Variants in ENPP3 observed in about 807,000 individuals in gnomAD.
The protein encoded by ENPP3 is ectonucleotide pyrophosphatase/phosphodiesterase family member 3.
Under a neutral mutation model 117.8 loss-of-function variants are expected in ENPP3, and 104 were observed. The ratio of observed to expected loss-of-function variants is 0.88; its 90% CI spans 0.75 to 1.04. The LOEUF (loss-of-function observed/expected upper bound fraction) is 1.04, where lower values mean the gene tolerates loss of function less well. Ranked by LOEUF, ENPP3 falls within the 50% of genes least tolerant of loss-of-function variation. The pLI is 0.00. For missense variants in ENPP3, 1,026 were observed against 1,051.9 expected, an observed-to-expected ratio of 0.98 and a Z score of 0.34; for synonymous variants, 380 against 349.9, an observed-to-expected ratio of 1.09 and a Z score of -0.96.
chr6:131,720,792 C>T (rs1780000569), intron 17 of ENPP3, among the ~76,000 whole-genome samples: 3 of 152,090 alleles, frequency 2.0e-5, no homozygotes, highest in East Asian at 3.9e-4. Context: ...ACCATGTTGG[C>T]CAGGCTGGTC....
At chr6:131,656,673 A>G (rs1006862507) in intron 5 of ENPP3, among the ~76,000 whole-genome samples, 3 of 151,842 alleles carry the variant, frequency 2.0e-5, no homozygotes, top group African/African-American at 4.8e-5. Context: ...AGGTTGACGC[A>G]GGAGAATGGT....
intron 22 of ENPP3, 29 bp downstream of exon 22, chr6:131,737,461 A>T (rs761464375): frequency 7.8e-7 from 1 of 1,284,140 alleles, no homozygotes; most frequent in South Asian, 1.3e-5. Context: ...TATTAATTTT[A>T]AAATAGTTAA....
At chr6:131,666,245 T>C (rs2114359570) in intron 6 of ENPP3, among the ~76,000 whole-genome samples, 1 of 152,282 alleles carries the variant, frequency 6.6e-6, no homozygotes, top group African/African-American at 2.4e-5. Flanking sequence ...AGGGCTTCTC[T>C]TGTATATTGT....
chr6:131,652,967 A>G, intron 5 of ENPP3, 76 bp downstream of exon 5: 1 of 974,150 alleles, frequency 1.0e-6, no homozygotes, highest in Non-Finnish European at 1.6e-6. Context: ...GTTGAGACGC[A>G]GAGAGGAATT....
chr6:131,650,680 C>G (rs1393344468), intron 3 of ENPP3, among the ~76,000 whole-genome samples: 2 of 152,174 alleles, frequency 1.3e-5, no homozygotes, highest in East Asian at 3.9e-4. Flanking sequence ...GTTGGGTCCT[C>G]CTGAAGACTC....
chr6:131,735,535 G>A (rs764631485), intron 21 of ENPP3, among the ~76,000 whole-genome samples: 8 of 152,182 alleles, frequency 5.3e-5, no homozygotes, highest in South Asian at 2.1e-4. Context: ...CAGGAGGATC[G>A]CTTGAGTCCA....
chr6:131,682,106 T>A (rs1779034632), intron 11 of ENPP3, among the ~76,000 whole-genome samples: 1 of 152,156 alleles, frequency 6.6e-6, no homozygotes, highest in African/African-American at 2.4e-5. Context: ...GTGTTAGGAT[T>A]ACAGGCATGA....
Position 131,655,003 on chromosome 6 carries a change from A to T in ENPP3, c.464+2112A>T, listed in dbSNP as rs1778355732. ...AACAATGCCAGGGTCAGACGATTTCATGTGAGAATTAAATGACCTAAAGCG... is the reference window on the plus strand; with the variant it reads ...AACAATGCCAGGGTCAGACGATTTCTTGTGAGAATTAAATGACCTAAAGCG... On this transcript the variant is annotated intron_variant, in intron 5 of 24. Coordinates refer to ENST00000357639, the MANE Select transcript of ENPP3 (RefSeq NM_005021.5). Among the ~76,000 whole-genome samples, 3 of 152,334 alleles carry T rather than the reference A, an allele frequency of 2.0e-5. No homozygotes were observed. In the South Asian group the frequency reaches 6.2e-4, roughly 32 times the overall value.
intron 7 of ENPP3, 77 bp from the exon 8 acceptor site, chr6:131,674,085 G>T (rs2114383516): frequency 1.1e-6 from 1 of 870,844 alleles, no homozygotes; most frequent in South Asian, 1.7e-5. Flanking sequence ...ATGAGTAATA[G>T]ATCGTGTGCT....
At chr6:131,687,886 G>A (rs560017784) in intron 14 of ENPP3, among the ~76,000 whole-genome samples, 25 of 152,104 alleles carry the variant, frequency 1.6e-4, no homozygotes, top group African/African-American at 4.3e-4. Context: ...TTTGCAATGC[G>A]ACTGTAACTA....
Position 131,685,349 on chromosome 6 carries a change from T to C in ENPP3, c.1121-15T>C. 6.3e-7 allele frequency: 1 copy of C among 1,599,428 alleles called. No individual in the cohort carries two copies. The highest frequency in any genetic ancestry group is 8.5e-7 in the Non-Finnish European group (1 of 1,170,082). On this transcript the variant is annotated splice_polypyrimidine_tract_variant and intron_variant, in intron 12 of 24. Transcript: ENST00000357639. The stretch of plus-strand genomic sequence containing the variant: ...TATACATTCAGTGGGTTATTATGAT[T>C]ATTTTTTTATTCAGGAATGGACCAG...
chr6:131,716,065 A>C (rs192204745), intron 15 of ENPP3, among the ~76,000 whole-genome samples: 2 of 152,340 alleles, frequency 1.3e-5, no homozygotes, highest in South Asian at 4.1e-4. Context: ...GAGAAGTCTT[A>C]TTCATCTCCC....
At chr6:131,668,401 G>A (rs980174222) in intron 6 of ENPP3, among the ~76,000 whole-genome samples, 7 of 151,868 alleles carry the variant, frequency 4.6e-5, no homozygotes, top group Middle Eastern at 6.8e-3. Flanking sequence ...TTTTATTAGA[G>A]CCAGGGTTTC....
intron 6 of ENPP3, among the ~76,000 whole-genome samples, chr6:131,662,336 C>A (rs1778520539): frequency 6.6e-6 from 1 of 152,096 alleles, no homozygotes; most frequent in Non-Finnish European, 1.5e-5. Context: ...CCTCTGCCTC[C>A]CAGGCTTAAG....
intron 16 of ENPP3, among the ~76,000 whole-genome samples, chr6:131,719,056 A>G (rs1038710559): frequency 6.6e-5 from 10 of 152,176 alleles, no homozygotes; most frequent in African/African-American, 2.4e-4. Context: ...TTGTTATGTC[A>G]GAAGGTAAAT....
At position 131,669,675 on chromosome 6, in the gene ENPP3, A is replaced by AAAAAG. The variant is rs1562440254; in HGVS notation, c.563-1569_563-1565dup. 1.3e-4 allele frequency among the ~76,000 whole-genome samples: 19 copies of AAAAAG among 146,974 alleles called. No homozygotes were observed. In the South Asian group the frequency reaches 2.8e-3, roughly 22 times the overall value. On this transcript the variant is annotated intron_variant, in intron 6 of 24. Coordinates refer to ENST00000357639, the MANE Select transcript of ENPP3 (RefSeq NM_005021.5). The stretch of plus-strand genomic sequence containing the variant: ...CATCTCAAAAAAAAAAAAAAAAAAA[A>AAAAAG]AAAAGAAAGAAAGAAGGAAAAGTAG...
intron 24 of ENPP3, among the ~76,000 whole-genome samples, chr6:131,742,111 C>A (rs1283911735): frequency 1.6e-5 from 2 of 126,604 alleles, no homozygotes; most frequent in East Asian, 6.3e-4. Flanking sequence ...AGAAGGTGGC[C>A]AAGTTTAGAG....
intron 17 of ENPP3, among the ~76,000 whole-genome samples, chr6:131,721,090 A>T (rs1780009794): frequency 2.6e-5 from 4 of 152,226 alleles, no homozygotes; most frequent in Non-Finnish European, 5.9e-5. Flanking sequence ...CTAGCTGGAT[A>T]GACACTTGTT....
intron 6 of ENPP3, among the ~76,000 whole-genome samples, chr6:131,668,298 C>T (rs1180356797): frequency 3.4e-5 from 5 of 147,962 alleles, no homozygotes; most frequent in African/African-American, 1.0e-4. Flanking sequence ...CTGTAACCTC[C>T]GCTTCTCGGG....
Sources: gnomAD v4.1 joint callset for allele counts (sites outside exome capture counted in the v4.1 genomes callset) on GRCh38, gnomAD v4.1.1 for gene constraint, MANE v1.5 for transcripts, NCBI Gene and HGNC (gene_info 2026-07-23, HGNC 2026-07-21) for gene names.